Variants in ZNF280C observed in about 807,000 individuals in gnomAD.
The protein encoded by ZNF280C is suppressor of hairy wing homolog 3.
In ZNF280C, 14 loss-of-function variants were observed where a neutral mutation model predicts 53.6. The observed-to-expected ratio is 0.26, with a 90% confidence interval of 0.17 to 0.41. ZNF280C has a LOEUF of 0.41. Ranked by LOEUF, ZNF280C falls within the 10% of genes least tolerant of loss-of-function variation. The pLI, the probability that ZNF280C is intolerant of heterozygous loss-of-function variation, is 1.00. For missense variants in ZNF280C, 416 were observed against 547.1 expected (o/e 0.76, Z 2.39); for synonymous variants, 203 against 181.1 (o/e 1.12, Z -0.97).
chrX:130,255,132 T>C (rs1368377175), intron 2 of ZNF280C, among the ~76,000 whole-genome samples: 1 of 104,502 alleles, frequency 9.6e-6, no homozygotes, highest in Non-Finnish European at 2.0e-5. Context: ...AATCATTTTC[T>C]TTTTTTTTCT....
chrX:130,227,451 A>G (rs952265210), intron 11 of ZNF280C, among the ~76,000 whole-genome samples: 5 of 111,431 alleles, frequency 4.5e-5, no homozygotes, highest in African/African-American at 1.3e-4. Flanking sequence ...GCATTTCCTC[A>G]TCTAGCACAG....
intron 1 of ZNF280C, among the ~76,000 whole-genome samples, chrX:130,266,080 T>G (rs888730407): frequency 2.7e-5 from 3 of 112,766 alleles, no homozygotes; most frequent in Admixed American, 9.4e-5. Context: ...ATTTCAAATG[T>G]TTTTATTTAA....
At chrX:130,240,515 A>G (rs970972245) in intron 5 of ZNF280C, among the ~76,000 whole-genome samples, 1 of 112,139 alleles carries the variant, frequency 8.9e-6, no homozygotes, top group Admixed American at 9.5e-5. Context: ...ATCTTACCAC[A>G]AAGTAAATAT....
intron 5 of ZNF280C, 63 bp from the exon 6 acceptor site, chrX:130,239,756 CA>C (rs1241059710): frequency 3.3e-6 from 2 of 603,442 alleles, no homozygotes; most frequent in African/African-American, 4.5e-5. Flanking sequence ...AGCTGTATGT[CA>C]ATACTATAAA....
intron 2 of ZNF280C, among the ~76,000 whole-genome samples, 190 bp from the exon 3 acceptor site, chrX:130,247,195 G>GC (rs1469206182): frequency 8.9e-6 from 1 of 111,734 alleles, no homozygotes; most frequent in East Asian, 2.8e-4. Flanking sequence ...TGCAACCTCC[G>GC]CCTCCTGGGT....
intron 2 of ZNF280C, among the ~76,000 whole-genome samples, chrX:130,258,379 T>C (rs1387635129): frequency 9.0e-6 from 1 of 111,699 alleles, no homozygotes; most frequent in African/African-American, 3.2e-5. Context: ...ATGTAAAACT[T>C]GAAAACAATG....
chrX:130,235,565 T>C (rs2032323067), intron 8 of ZNF280C, among the ~76,000 whole-genome samples: 2 of 112,391 alleles, frequency 1.8e-5, no homozygotes, highest in Admixed American at 9.4e-5. Context: ...CTGTACTGCA[T>C]ATGAACTTAA....
intron 3 of ZNF280C, among the ~76,000 whole-genome samples, chrX:130,245,028 T>A (rs984011520): frequency 1.8e-5 from 2 of 111,832 alleles, no homozygotes; most frequent in Non-Finnish European, 3.8e-5. Context: ...GGTTATAGTC[T>A]ACCAATCACA....
At chrX:130,255,466 T>C (rs2032559888) in intron 2 of ZNF280C, among the ~76,000 whole-genome samples, 1 of 97,048 alleles carries the variant, frequency 1.0e-5, no homozygotes, top group Non-Finnish European at 2.1e-5. Flanking sequence ...AGGTATAAAA[T>C]GCACCTAACA....
At chrX:130,267,709 TAA>T (rs1301073557) in intron 1 of ZNF280C, among the ~76,000 whole-genome samples, 2 of 112,109 alleles carry the variant, frequency 1.8e-5, no homozygotes, top group African/African-American at 3.2e-5. Flanking sequence ...GTAAGGAGAT[TAA>T]GTTTGCACAG....
intron 1 of ZNF280C, among the ~76,000 whole-genome samples, chrX:130,267,133 A>C (rs1245291898): frequency 9.0e-6 from 1 of 111,000 alleles, no homozygotes; most frequent in Non-Finnish European, 1.9e-5. Context: ...TGAGGAAATC[A>C]AATCTTTTTG....
rs192561330 is a variant in ZNF280C at position 130,250,810 on chromosome X, C to A, written c.32-3805G>T. Among the ~76,000 whole-genome samples, 946 of 111,927 alleles carry A rather than the reference C, an allele frequency of 8.5e-3. 12 individuals are homozygous for A. Among genetic ancestry groups the A allele is most frequent in the African/African-American group, 0.029 (895 of 30,812 alleles). On this transcript the variant is annotated intron_variant, in intron 2 of 18. Coordinates refer to ENST00000370978, the MANE Select transcript of ZNF280C (RefSeq NM_017666.5). ...GAAGAGACACAACAAAAAAATAAAACTTTGCTGGATGCGGTGGCTCACACC... is the reference window on the plus strand; with the variant it reads ...GAAGAGACACAACAAAAAAATAAAAATTTGCTGGATGCGGTGGCTCACACC...
intron 12 of ZNF280C, among the ~76,000 whole-genome samples, chrX:130,224,920 T>A (rs183811028): frequency 3.6e-5 from 4 of 111,929 alleles, no homozygotes; most frequent in African/African-American, 1.3e-4. Context: ...TATCAGTTAA[T>A]AACATAGAGA....
At chrX:130,243,746 C>G (rs201761950) in intron 4 of ZNF280C, 47 bp from the exon 5 acceptor site, 1 of 1,159,939 alleles carries the variant, frequency 8.6e-7, no homozygotes, top group East Asian at 3.1e-5. Context: ...TCTATACAAC[C>G]AATTATATCA....
chrX:130,243,756 A>G (rs2032419415), intron 4 of ZNF280C, 44 bp downstream of exon 4: 2 of 1,166,751 alleles, frequency 1.7e-6, no homozygotes, highest in South Asian at 1.9e-5. Flanking sequence ...CAATTATATC[A>G]AAATATTTAA....
chrX:130,251,799 A>C (rs1247921440), intron 2 of ZNF280C, among the ~76,000 whole-genome samples: 13 of 110,149 alleles, frequency 1.2e-4, no homozygotes, highest in East Asian at 5.7e-4. Flanking sequence ...AAAAAAAAAA[A>C]AAAACAAAAA....
intron 5 of ZNF280C, among the ~76,000 whole-genome samples, chrX:130,243,305 C>T (rs931485621): frequency 1.8e-5 from 2 of 111,423 alleles, no homozygotes; most frequent in African/African-American, 6.5e-5. Context: ...ATCTCAGCCT[C>T]CCGAGTAGCT....
intron 15 of ZNF280C, among the ~76,000 whole-genome samples, chrX:130,210,668 A>G (rs1236917742): frequency 1.8e-5 from 2 of 112,556 alleles, no homozygotes; most frequent in Non-Finnish European, 3.8e-5. Context: ...CAAATTAAGG[A>G]GCAGAGCTCA....
intron 5 of ZNF280C, among the ~76,000 whole-genome samples, chrX:130,243,173 T>G (rs903669100): frequency 9.0e-6 from 1 of 111,529 alleles, no homozygotes; most frequent in Non-Finnish European, 1.9e-5. Context: ...TTTTTGGGTT[T>G]GTTTGTGTTG....
Sources: gnomAD v4.1 joint callset for allele counts (sites outside exome capture counted in the v4.1 genomes callset) on GRCh38, gnomAD v4.1.1 for gene constraint, MANE v1.5 for transcripts, NCBI Gene and HGNC (gene_info 2026-07-23, HGNC 2026-07-21) for gene names.